The following OSBPL6 variants were observed in gnomAD, a reference collection of about 807,000 sequenced individuals.
The protein encoded by OSBPL6 is oxysterol-binding protein-related protein 6.
Under a neutral mutation model 125.8 loss-of-function variants are expected in OSBPL6, and 49 were observed. The ratio of observed to expected loss-of-function variants is 0.39; its 90% CI spans 0.31 to 0.49. The LOEUF (loss-of-function observed/expected upper bound fraction) is 0.49. Ranked by LOEUF, OSBPL6 falls within the 20% of genes least tolerant of loss-of-function variation. OSBPL6 has a pLI of 0.88. For missense variants in OSBPL6, 986 were observed against 1,135.4 expected, an observed-to-expected ratio of 0.87 and a Z score of 1.89; for synonymous variants, 394 against 391.8, an observed-to-expected ratio of 1.01 and a Z score of -0.07.
intron 1 of OSBPL6, among the ~76,000 whole-genome samples, chr2:178,219,542 G>A (rs1378601155): frequency 6.6e-6 from 1 of 152,198 alleles, no homozygotes; most frequent in African/African-American, 2.4e-5. Flanking sequence ...GAGTTTTGTA[G>A]CAGTTATTAG....
Position 178,392,449 on chromosome 2 carries a change from C to T in OSBPL6, c.2484C>T (p.Phe828=). 6.2e-7 allele frequency: 1 copy of T among 1,614,054 alleles called. No individual in the cohort carries two copies. Among genetic ancestry groups the T allele is most frequent in the Non-Finnish European group, 8.5e-7 (1 of 1,179,954 alleles). ...MPTNYELYYG[F]TRFAIELNEL... is the part of the protein sequence containing the mutation. ...CAAACTATGAGCTGTACTATGGCTT[C>T]ACAAGGTTTGCTATTGAGCTCAATG... Residue 828 remains phenylalanine, a synonymous_variant, in exon 23 of 25, where the codon TTC becomes TTT. Coordinates refer to ENST00000190611, the MANE Select transcript of OSBPL6 (RefSeq NM_032523.4).
chr2:178,328,786 C>T (rs1298225149), intron 5 of OSBPL6, among the ~76,000 whole-genome samples: 1 of 152,136 alleles, frequency 6.6e-6, no homozygotes, highest in Non-Finnish European at 1.5e-5. Context: ...CCACACCCGG[C>T]TGTAAAACTA....
rs963803569 is a variant in OSBPL6, at chr2:178,382,499, C to T, written c.1613C>T (p.Ser538Phe). 30 of 1,614,070 alleles carry T rather than the reference C, an allele frequency of 1.9e-5. No homozygotes were observed. In the Middle Eastern group the frequency reaches 6.6e-4, roughly 36 times the overall value. The change falls in exon 16 of 25, where the codon TCT becomes TTT. Residue 538 changes from serine (S) to phenylalanine (F), a missense_variant. Around this residue, in one of 3 missense-constraint regions of OSBPL6, gnomAD observed 843 missense variants for 997.3 expected, o/e 0.85. Coordinates refer to ENST00000190611, the MANE Select transcript of OSBPL6 (RefSeq NM_032523.4). ...EDNTSVADNISRQILNGELTG... is the reference protein window; with the variant it reads ...EDNTSVADNIFRQILNGELTG... ...AACACCAGTGTTGCAGACAATATTT[C>T]TCGGCAAAGTATGCATCATTTGAGC...
intron 5 of OSBPL6, among the ~76,000 whole-genome samples, chr2:178,328,915 T>C (rs1688944527): frequency 6.6e-6 from 1 of 152,208 alleles, no homozygotes; most frequent in Admixed American, 6.5e-5. Flanking sequence ...AGTTGGTATG[T>C]ATTGTTGTCT....
At chr2:178,379,370 GGAGGGAGGAA>G (rs1694243399) in intron 15 of OSBPL6, among the ~76,000 whole-genome samples, 1 of 145,090 alleles carries the variant, frequency 6.9e-6, no homozygotes, top group Non-Finnish European at 1.5e-5. Flanking sequence ...GGAAGGAAAG[GGAGGGAGGAA>G]AAGGAGAAAG....
intron 1 of OSBPL6, among the ~76,000 whole-genome samples, chr2:178,235,170 C>T (rs138405221): frequency 6.6e-6 from 1 of 152,104 alleles, no homozygotes; most frequent in Non-Finnish European, 1.5e-5. Context: ...AAAAACCTTC[C>T]CAGTTAATGT....
At chr2:178,198,617 C>CATAAATAAATAAATAAATAAATAA (rs35367535) in intron 1 of OSBPL6, among the ~76,000 whole-genome samples, 6 of 137,416 alleles carry the variant, frequency 4.4e-5, no homozygotes, top group South Asian at 5.0e-4. Context: ...GACTCCATCT[C>CATAAATAAATAAATAAATAAATAA]ATAAATAAAT....
chr2:178,357,752 A>G (rs569876823), intron 12 of OSBPL6, among the ~76,000 whole-genome samples: 1 of 152,342 alleles, frequency 6.6e-6, no homozygotes, highest in Admixed American at 6.5e-5. Flanking sequence ...CCAAAGGATT[A>G]TAAATCATGC....
intron 11 of OSBPL6, among the ~76,000 whole-genome samples, chr2:178,345,893 G>A (rs1248714055): frequency 6.6e-6 from 1 of 152,110 alleles, no homozygotes; most frequent in Non-Finnish European, 1.5e-5. Flanking sequence ...TGAATAGAAT[G>A]GGTTTATATT....
intron 1 of OSBPL6, among the ~76,000 whole-genome samples, chr2:178,259,095 G>A (rs1247495113): frequency 6.6e-6 from 1 of 152,166 alleles, no homozygotes; most frequent in Non-Finnish European, 1.5e-5. Flanking sequence ...TTTCTCTTCT[G>A]AAGGTTGTTG....
chr2:178,225,230 G>A (rs1015596900), intron 1 of OSBPL6, among the ~76,000 whole-genome samples: 8 of 148,732 alleles, frequency 5.4e-5, no homozygotes, highest in Admixed American at 3.3e-4. Context: ...TTGGTCAGGT[G>A]CCCATTACTT....
intron 1 of OSBPL6, among the ~76,000 whole-genome samples, chr2:178,238,211 TAAAC>T (rs1196662522): frequency 6.6e-6 from 1 of 152,150 alleles, no homozygotes; most frequent in Non-Finnish European, 1.5e-5. Context: ...ATTCCAGAAA[TAAAC>T]AAATCATACA....
intron 1 of OSBPL6, among the ~76,000 whole-genome samples, chr2:178,245,555 A>G (rs1430028911): frequency 6.6e-6 from 1 of 152,160 alleles, no homozygotes; most frequent in African/African-American, 2.4e-5. Flanking sequence ...ACTATGTTAG[A>G]CCCAGTGTGG....
Position 178,265,505 on chromosome 2 carries a change from T to G in OSBPL6, c.-350-19422T>G, listed in dbSNP as rs570988272. On this transcript the variant is annotated intron_variant, in intron 1 of 24. Coordinates refer to ENST00000190611, the MANE Select transcript of OSBPL6 (RefSeq NM_032523.4). Reference sequence around the variant, plus strand: ...CTGGGATTACAGGTGCAGGCCAACGTGCCAGCTGGATGCTTTAATTTATTC... The same window carrying G: ...CTGGGATTACAGGTGCAGGCCAACGGGCCAGCTGGATGCTTTAATTTATTC... Among the ~76,000 whole-genome samples the G allele has an allele frequency of 2.0e-5, 3 of 152,094 alleles. No homozygotes were observed. The South Asian group carries it at 6.2e-4, about 32-fold the overall frequency.
At chr2:178,309,468 A>G (rs776113752) in intron 3 of OSBPL6, among the ~76,000 whole-genome samples, 8 of 152,034 alleles carry the variant, frequency 5.3e-5, no homozygotes, top group African/African-American at 1.9e-4. Context: ...TTCCTTCCTC[A>G]TGGATAAGTA....
intron 4 of OSBPL6, among the ~76,000 whole-genome samples, chr2:178,326,613 G>T (rs1050650600): frequency 6.6e-6 from 1 of 152,078 alleles, no homozygotes; most frequent in African/African-American, 2.4e-5. Flanking sequence ...AACATAGAAG[G>T]TTCTATTTTA....
chr2:178,344,239 C>T, intron 11 of OSBPL6: 1 of 1,487,200 alleles, frequency 6.7e-7, no homozygotes, highest in Non-Finnish European at 9.4e-7. Context: ...TCCATCCTTT[C>T]CTCCCCCGTC....
At chr2:178,344,504 C>T (rs1272782943) in intron 11 of OSBPL6, 2 of 728,344 alleles carry the variant, frequency 2.7e-6, no homozygotes, top group African/African-American at 3.5e-5. Context: ...CACATGTTCT[C>T]TGGCTGTCTT....
chr2:178,355,639 G>A lies in OSBPL6; in HGVS notation c.1154-6043G>A, dbSNP rs372805735. On this transcript the variant is annotated intron_variant, in intron 12 of 24. Transcript: ENST00000190611. Reference sequence around the variant, plus strand: ...AAGTACAGGACCAGATGGATTCATAGCCAAATTCTACCAGAGGTACAAAGA... The same window carrying A: ...AAGTACAGGACCAGATGGATTCATAACCAAATTCTACCAGAGGTACAAAGA... Among the ~76,000 whole-genome samples, 26 of 152,210 alleles carry A rather than the reference G, an allele frequency of 1.7e-4. No individual in the cohort carries two copies. In the East Asian group the frequency reaches 4.4e-3, roughly 26 times the overall value.
Sources: gnomAD v4.1 joint callset for allele counts (sites outside exome capture counted in the v4.1 genomes callset) on GRCh38, gnomAD v4.1.1 for gene constraint, gnomAD v4.1.1 regional missense constraint, MANE v1.5 for transcripts, NCBI Gene and HGNC (gene_info 2026-07-23, HGNC 2026-07-21) for gene names.